Variants in KCNN2 observed in about 807,000 individuals in gnomAD.
KCNN2 encodes small conductance calcium-activated potassium channel protein 2.
A neutral mutation model predicts 55.5 loss-of-function variants in KCNN2; 24 were observed. The observed-to-expected ratio is 0.43, with a 90% CI of 0.31 to 0.61. The LOEUF is 0.61. Among genes scored for constraint, KCNN2 ranks in the 20% least tolerant of loss-of-function variants. The pLI is 0.08. For missense variants in KCNN2, 754 were observed against 853.6 expected (o/e 0.88, Z 1.45); for synonymous variants, 431 against 336.1 (o/e 1.28, Z -3.09).
chr5:114,250,735 T>G (rs2112626010), intron 2 of KCNN2, among the ~76,000 whole-genome samples: 1 of 152,326 alleles, frequency 6.6e-6, no homozygotes, highest in African/African-American at 2.4e-5. Flanking sequence ...GAGCCGTCTA[T>G]GGTCTATTTT....
chr5:114,449,629 G>A (rs536607080), intron 3 of KCNN2, among the ~76,000 whole-genome samples: 1 of 152,144 alleles, frequency 6.6e-6, no homozygotes, highest in Non-Finnish European at 1.5e-5. Context: ...TCTGAACCCA[G>A]CTCAGTTCCT....
intron 3 of KCNN2, among the ~76,000 whole-genome samples, chr5:114,438,521 T>C (rs1760093348): frequency 6.6e-6 from 1 of 152,188 alleles, no homozygotes; most frequent in African/African-American, 2.4e-5. Flanking sequence ...CACGCCTCAC[T>C]TAAAATAATT....
At chr5:114,090,577 G>GTATA (rs3070915) in intron 1 of KCNN2, among the ~76,000 whole-genome samples, 5 of 148,916 alleles carry the variant, frequency 3.4e-5, no homozygotes, top group Admixed American at 6.7e-5. Flanking sequence ...ATATATGTAT[G>GTATA]TATATATATA....
At chr5:114,274,368 T>G (rs2150009780) in intron 2 of KCNN2, among the ~76,000 whole-genome samples, 1 of 152,338 alleles carries the variant, frequency 6.6e-6, no homozygotes, top group South Asian at 2.1e-4. Flanking sequence ...TCCAATTTTG[T>G]GAGTAAAGTC....
chr5:114,258,979 G>A (rs930858566), intron 2 of KCNN2, among the ~76,000 whole-genome samples: 5 of 152,176 alleles, frequency 3.3e-5, no homozygotes, highest in African/African-American at 9.6e-5. Context: ...CGCTAGAAAA[G>A]CCATCCTCCA....
At chr5:114,393,544 TTAAC>T (rs978168350) in intron 2 of KCNN2, among the ~76,000 whole-genome samples, 28 of 152,190 alleles carry the variant, frequency 1.8e-4, no homozygotes, top group African/African-American at 6.3e-4. Flanking sequence ...GCTTTTATTA[TTAAC>T]TAACTTATAT....
chr5:114,462,490 A>G (rs1761255162), intron 3 of KCNN2, among the ~76,000 whole-genome samples: 1 of 152,192 alleles, frequency 6.6e-6, no homozygotes, highest in African/African-American at 2.4e-5. Context: ...ATATGGTCCC[A>G]TGATCTAGGG....
intron 1 of KCNN2, among the ~76,000 whole-genome samples, chr5:114,136,175 AAG>A (rs1238167683): frequency 6.6e-6 from 1 of 152,226 alleles, no homozygotes. Flanking sequence ...CCTCTAGTTT[AAG>A]AGGTGGGAAC....
In KCNN2 at chr5:114,293,222, C is replaced by T. The variant is rs61297601; in HGVS notation, c.-184-67723C>T. 3.8e-3 allele frequency among the ~76,000 whole-genome samples: 574 copies of T among 152,228 alleles called. 5 individuals are homozygous for T. The highest frequency in any genetic ancestry group is 0.012 in the African/African-American group (494 of 41,534). The stretch of plus-strand genomic sequence containing the variant: ...TGACTGCCCTGGCCAGCACTTTCAA[C>T]ACTATGTTGAATAGGAGTGGTGAGA... On this transcript the variant is annotated intron_variant, in intron 2 of 10. Coordinates refer to the KCNN2 transcript ENST00000512097.
intron 1 of KCNN2, among the ~76,000 whole-genome samples, chr5:114,119,672 T>C (rs549845054): frequency 1.3e-5 from 2 of 152,272 alleles, no homozygotes; most frequent in African/African-American, 4.8e-5. Context: ...CAAGACTCTG[T>C]TTAAGATCCA....
At chr5:114,127,115 T>C (rs1225201545) in intron 1 of KCNN2, among the ~76,000 whole-genome samples, 2 of 152,152 alleles carry the variant, frequency 1.3e-5, no homozygotes, top group African/African-American at 4.8e-5. Flanking sequence ...TCTGAGACTT[T>C]TCCAGGTGCA....
intron 2 of KCNN2, among the ~76,000 whole-genome samples, chr5:114,277,326 C>T (rs1755512431): frequency 6.6e-6 from 1 of 152,132 alleles, no homozygotes; most frequent in African/African-American, 2.4e-5. Flanking sequence ...TGGGGTTTCT[C>T]TTCTTGAGAA....
At chr5:114,162,064 G>T (rs2112532219) in intron 1 of KCNN2, among the ~76,000 whole-genome samples, 1 of 152,200 alleles carries the variant, frequency 6.6e-6, no homozygotes, top group East Asian at 1.9e-4. Flanking sequence ...TTCCTTTGGA[G>T]GAGGAGGGGT....
intron 1 of KCNN2, among the ~76,000 whole-genome samples, chr5:114,208,115 C>A (rs953480921): frequency 6.6e-6 from 1 of 152,136 alleles, no homozygotes; most frequent in African/African-American, 2.4e-5. Flanking sequence ...AATGAATTCA[C>A]AATTATGTTG....
intron 1 of KCNN2, among the ~76,000 whole-genome samples, chr5:114,100,125 A>G (rs546079814): frequency 4.6e-5 from 7 of 152,182 alleles, no homozygotes; most frequent in African/African-American, 1.7e-4. Flanking sequence ...CCTGAGTGTA[A>G]TTTTAATGTA....
intron 1 of KCNN2, among the ~76,000 whole-genome samples, chr5:114,110,096 C>A (rs1751565199): frequency 1.3e-5 from 2 of 152,176 alleles, no homozygotes; most frequent in Admixed American, 1.3e-4. Flanking sequence ...GCAGCCCTCA[C>A]TAAACAACTA....
chr5:114,394,070 A>G (rs1338791179), intron 2 of KCNN2, among the ~76,000 whole-genome samples: 2 of 152,196 alleles, frequency 1.3e-5, no homozygotes, highest in Non-Finnish European at 2.9e-5. Context: ...ATGTATGCTT[A>G]TAACCTGATA....
intron 2 of KCNN2, among the ~76,000 whole-genome samples, chr5:114,232,925 G>T (rs6896957): frequency 0.09 from 6,771 of 75,430 alleles, 501 homozygotes; most frequent in South Asian, 0.17. Context: ...ATTGTTTCTT[G>T]TTTTTTTTTT....
intron 1 of KCNN2, among the ~76,000 whole-genome samples, chr5:114,144,950 ATAG>A (rs1238914605): frequency 6.6e-6 from 1 of 152,074 alleles, no homozygotes; most frequent in African/African-American, 2.4e-5. Flanking sequence ...CTGTGTGGAA[ATAG>A]TAGTGTAAAT....
Sources: allele counts gnomAD v4.1 joint callset (sites outside exome capture counted in the v4.1 genomes callset), GRCh38; gene constraint gnomAD v4.1.1; transcripts MANE v1.5; gene names NCBI Gene and HGNC (gene_info 2026-07-23, HGNC 2026-07-21).